The following ANO3 variants were observed in gnomAD, a reference collection of about 807,000 sequenced individuals.
ANO3 encodes the protein anoctamin-3.
Under a neutral mutation model 144.8 loss-of-function variants are expected in ANO3, and 99 were observed. That is an observed-to-expected ratio of 0.68 (90% CI 0.58 to 0.81). The LOEUF is 0.81. ANO3 is among the 30% of genes least tolerant of loss of function. The pLI is 0.00. For synonymous variants in ANO3, 414 were observed against 392.6 expected (o/e 1.05, Z -0.64); for missense variants, 905 against 1,202.2 (o/e 0.75, Z 3.66).
intron 1 of ANO3, among the ~76,000 whole-genome samples, chr11:26,235,561 G>C (rs1410504687): frequency 6.9e-6 from 1 of 144,912 alleles, no homozygotes; most frequent in Non-Finnish European, 1.5e-5. Flanking sequence ...AATAAGAGAA[G>C]AAAGCCTATT....
intron 1 of ANO3, among the ~76,000 whole-genome samples, chr11:26,226,980 TTC>T (rs1187000298): frequency 1.3e-5 from 2 of 152,106 alleles, no homozygotes; most frequent in African/African-American, 4.8e-5. Context: ...CCATTCTACT[TTC>T]TGTCTCTATG....
Position 26,510,418 on chromosome 11 carries a change from T to G in ANO3, c.591+2156T>G, listed in dbSNP as rs577397236. On this transcript the variant is annotated intron_variant, in intron 5 of 26. Coordinates refer to ENST00000256737, the MANE Select transcript of ANO3 (RefSeq NM_031418.4). Reference sequence around the variant, plus strand: ...ACTGGTGGCTAATTAAATAAAGAAGTACTTATTGAAAAAAAAATCTCATGA... The same window carrying G: ...ACTGGTGGCTAATTAAATAAAGAAGGACTTATTGAAAAAAAAATCTCATGA... Among the ~76,000 whole-genome samples the G allele has an allele frequency of 4.6e-5, 7 of 152,208 alleles. No homozygotes were observed. The South Asian group carries it at 1.5e-3, about 32-fold the overall frequency.
intron 23 of ANO3, among the ~76,000 whole-genome samples, chr11:26,645,703 T>C (rs1323569919): frequency 6.6e-6 from 1 of 152,030 alleles, no homozygotes; most frequent in East Asian, 1.9e-4. Context: ...TGGGGCCTTT[T>C]TGGGGGGCAG....
intron 1 of ANO3, among the ~76,000 whole-genome samples, chr11:26,435,549 G>A (rs115812431): frequency 2.0e-5 from 3 of 152,160 alleles, no homozygotes; most frequent in Non-Finnish European, 2.9e-5. Context: ...CATAGATTTG[G>A]TCTCTTGACA....
intron 14 of ANO3, among the ~76,000 whole-genome samples, chr11:26,564,119 T>G (rs150290403): frequency 1.3e-5 from 2 of 151,892 alleles, no homozygotes; most frequent in Admixed American, 1.3e-4. Context: ...TAACTAAATT[T>G]TTTTTTACAT....
At chr11:26,304,914 A>G (rs1402873241), upstream of ANO3, among the ~76,000 whole-genome samples, 1 of 152,162 alleles carries the variant, frequency 6.6e-6, no homozygotes, top group Non-Finnish European at 1.5e-5. Context: ...CTGGTCACTC[A>G]TGTTATTATC....
rs1860555793 is a variant in ANO3, at chr11:26,488,453, A to G, written c.433-19651A>G. Among the ~76,000 whole-genome samples the G allele has an allele frequency of 2.0e-5, 3 of 152,080 alleles. No individual in the cohort carries two copies. In the South Asian group the frequency reaches 6.2e-4, roughly 32 times the overall value. ...GTTCTTGGTCTCGCTGACTTCAAGA[A>G]TGAAGCCGGGGACCCTTGTGGTGAG... On this transcript the variant is annotated intron_variant, in intron 4 of 26. Transcript: ENST00000256737.
chr11:26,220,190 G>A (rs1378355527), intron 1 of ANO3, among the ~76,000 whole-genome samples: 1 of 152,180 alleles, frequency 6.6e-6, no homozygotes, highest in Non-Finnish European at 1.5e-5. Context: ...CAAATCTGGA[G>A]GTAAAGATTG....
chr11:26,196,181 C>T (rs1441593564), intron 1 of ANO3, among the ~76,000 whole-genome samples: 2 of 152,152 alleles, frequency 1.3e-5, no homozygotes, highest in Admixed American at 6.5e-5. Context: ...CAAACAAATG[C>T]TCTCGAGAGT....
chr11:26,268,709 G>T (rs1853369942), intron 1 of ANO3, among the ~76,000 whole-genome samples: 1 of 152,130 alleles, frequency 6.6e-6, no homozygotes, highest in Admixed American at 6.5e-5. Flanking sequence ...AACTCTCCTA[G>T]TTCTAGATCA....
At chr11:26,462,234 C>G (rs1859421488) in intron 3 of ANO3, among the ~76,000 whole-genome samples, 1 of 151,848 alleles carries the variant, frequency 6.6e-6, no homozygotes, top group African/African-American at 2.4e-5. Context: ...TCAAATAACT[C>G]TAAGATGTTT....
intron 12 of ANO3, among the ~76,000 whole-genome samples, chr11:26,550,580 G>A (rs911584729): frequency 5.3e-5 from 8 of 151,942 alleles, no homozygotes; most frequent in Non-Finnish European, 1.5e-5. Flanking sequence ...GTTTATCCAT[G>A]TTATCACATA....
At chr11:26,408,934 A>C (rs1365908566) in intron 1 of ANO3, among the ~76,000 whole-genome samples, 1 of 148,962 alleles carries the variant, frequency 6.7e-6, no homozygotes, top group Non-Finnish European at 1.5e-5. Flanking sequence ...ATGAGAACAC[A>C]TGGACACAGG....
At chr11:26,576,508 TACTC>T (rs1850990378) in intron 14 of ANO3, among the ~76,000 whole-genome samples, 1 of 152,202 alleles carries the variant, frequency 6.6e-6, no homozygotes, top group Non-Finnish European at 1.5e-5. Context: ...ACATAGTAGT[TACTC>T]AATGAATATT....
chr11:26,262,124 C>T (rs1215179903), intron 1 of ANO3, among the ~76,000 whole-genome samples: 2 of 152,136 alleles, frequency 1.3e-5, no homozygotes, highest in Non-Finnish European at 2.9e-5. Context: ...AAAATTTAGC[C>T]CACAAGACCT....
chr11:26,551,765 T>C (rs1334599742), intron 12 of ANO3, among the ~76,000 whole-genome samples: 1 of 151,972 alleles, frequency 6.6e-6, no homozygotes, highest in Non-Finnish European at 1.5e-5. Flanking sequence ...TCCTACAAAT[T>C]ACTAGTATTG....
At chr11:26,220,981 TGGC>T (rs1449664434) in intron 1 of ANO3, among the ~76,000 whole-genome samples, 2 of 152,182 alleles carry the variant, frequency 1.3e-5, no homozygotes, top group Non-Finnish European at 2.9e-5. Flanking sequence ...TTATGCTCAG[TGGC>T]TCATTCAAGA....
chr11:26,443,661 A>C, intron 2 of ANO3, 104 bp from the exon 3 acceptor site: 1 of 550,940 alleles, frequency 1.8e-6, no homozygotes, highest in Non-Finnish European at 3.1e-6. Flanking sequence ...AAGTTAAGAA[A>C]TTTCATCATG....
At chr11:26,212,092 A>G (rs1216793626) in intron 1 of ANO3, among the ~76,000 whole-genome samples, 1 of 152,144 alleles carries the variant, frequency 6.6e-6, no homozygotes, top group African/African-American at 2.4e-5. Flanking sequence ...TAGTATTAGG[A>G]GAAATACCTA....
Sources: gnomAD v4.1 joint callset for allele counts (sites outside exome capture counted in the v4.1 genomes callset) on GRCh38, gnomAD v4.1.1 for gene constraint, MANE v1.5 for transcripts, NCBI Gene and HGNC (gene_info 2026-07-23, HGNC 2026-07-21) for gene names.